Variants in ZC3H7B observed in about 807,000 individuals in gnomAD.
ZC3H7B encodes zinc finger CCCH-type containing 7B.
A neutral mutation model predicts 116.0 loss-of-function variants in ZC3H7B; 35 were observed. The ratio of observed to expected loss-of-function variants is 0.30; its 90% confidence interval spans 0.23 to 0.40. The LOEUF is 0.40. ZC3H7B is among the 10% of genes least tolerant of loss of function. ZC3H7B has a pLI of 1.00. For missense variants in ZC3H7B, 1,011 were observed against 1,321.5 expected (o/e 0.77, Z 3.64); for synonymous variants, 502 against 545.6 (o/e 0.92, Z 1.11).
intron 1 of ZC3H7B, among the ~76,000 whole-genome samples, chr22:41,309,008 CTTTTTTTTTTTTTT>C (rs57147100): frequency 9.7e-6 from 1 of 103,304 alleles, no homozygotes; most frequent in Non-Finnish European, 1.9e-5. Flanking sequence ...TCCCAGTCTG[CTTTTTTTTTTTTTT>C]TTTTTTTGAG....
chr22:41,340,500 A>ACCACT (rs947789254), intron 10 of ZC3H7B, among the ~76,000 whole-genome samples: 14 of 152,172 alleles, frequency 9.2e-5, no homozygotes, highest in Middle Eastern at 3.4e-3. Flanking sequence ...CTCCCACTGC[A>ACCACT]CCACTCTGGG....
intron 7 of ZC3H7B, chr22:41,333,783 C>T (rs1265325051): frequency 1.3e-5 from 2 of 152,152 alleles, no homozygotes; most frequent in African/African-American, 4.8e-5. Flanking sequence ...GTTTCCTGCC[C>T]TCAAAGAGCT....
intron 1 of ZC3H7B, among the ~76,000 whole-genome samples, chr22:41,309,685 T>G (rs1262453172): frequency 2.0e-5 from 3 of 152,178 alleles, no homozygotes; most frequent in Admixed American, 2.0e-4. Context: ...TCTCTATTTT[T>G]ACTTGTCGTG....
chr22:41,348,321 G>A (rs759944547), intron 15 of ZC3H7B, among the ~76,000 whole-genome samples, 154 bp downstream of exon 15: 1 of 152,230 alleles, frequency 6.6e-6, no homozygotes, highest in Non-Finnish European at 1.5e-5. Context: ...CCTCCACCTG[G>A]AAAGGATGAG....
chr22:41,311,674 A>G (rs1335662940), intron 1 of ZC3H7B, among the ~76,000 whole-genome samples: 4 of 152,050 alleles, frequency 2.6e-5, no homozygotes, highest in Non-Finnish European at 5.9e-5. Flanking sequence ...GCCTGGCAGG[A>G]GGAAGAGATA....
chr22:41,341,708 A>G (rs2036525072), intron 11 of ZC3H7B, among the ~76,000 whole-genome samples: 1 of 152,124 alleles, frequency 6.6e-6, no homozygotes, highest in African/African-American at 2.4e-5. Flanking sequence ...GCGCCACTGC[A>G]TTCCAGCCTG....
intron 11 of ZC3H7B, 94 bp downstream of exon 11, chr22:41,341,240 C>T (rs1284708258): frequency 6.9e-7 from 1 of 1,456,242 alleles, no homozygotes; most frequent in Non-Finnish European, 9.5e-7. Context: ...TGGGGTAAGG[C>T]ACTGCATTCC....
chr22:41,326,975 G>A (rs1305240945), intron 4 of ZC3H7B, among the ~76,000 whole-genome samples: 1 of 152,170 alleles, frequency 6.6e-6, no homozygotes, highest in Non-Finnish European at 1.5e-5. Flanking sequence ...TATCCTGCCC[G>A]TGCCCACTGC....
chr22:41,337,091 G>A (rs557675765), intron 7 of ZC3H7B, among the ~76,000 whole-genome samples: 7 of 150,496 alleles, frequency 4.7e-5, no homozygotes, highest in South Asian at 2.1e-4. Flanking sequence ...AGCCAAGATC[G>A]CACCATTGCA....
chr22:41,348,679 T>C (rs535289115), intron 15 of ZC3H7B, among the ~76,000 whole-genome samples: 121 of 152,302 alleles, frequency 7.9e-4, no homozygotes, highest in African/African-American at 2.9e-3. Context: ...TGGGTCCAAT[T>C]CCTGGGCCAG....
chr22:41,326,074 T>A (rs1296901759), intron 4 of ZC3H7B, among the ~76,000 whole-genome samples, 156 bp downstream of exon 4: 1 of 152,168 alleles, frequency 6.6e-6, no homozygotes, highest in African/African-American at 2.4e-5. Context: ...TGGCTCTTAA[T>A]CTCAACTGTA....
intron 1 of ZC3H7B, among the ~76,000 whole-genome samples, chr22:41,318,291 A>G (rs1044457847): frequency 6.6e-6 from 1 of 152,118 alleles, no homozygotes; most frequent in African/African-American, 2.4e-5. Flanking sequence ...GCACTTTGGG[A>G]GGCCGAGGCG....
intron 17 of ZC3H7B, among the ~76,000 whole-genome samples, chr22:41,355,265 A>T (rs2036699266): frequency 6.6e-6 from 1 of 152,170 alleles, no homozygotes; most frequent in Admixed American, 6.5e-5. Flanking sequence ...CCAGCCACAG[A>T]GGGTGGAAAG....
At position 41,358,999 on chromosome 22, in the gene ZC3H7B, G is replaced by GA; in HGVS notation, c.*1571dup. On this transcript the variant is annotated 3_prime_UTR_variant, in exon 23 of 23. Transcript: ENST00000352645. ...CACAGTGATGGGCTGCCCAGGGCTGGAGGGGACGCTGTTCCTCCCGCCGCC... is the reference window on the plus strand; with the variant it reads ...CACAGTGATGGGCTGCCCAGGGCTGGAAGGGGACGCTGTTCCTCCCGCCGCC... The GA allele has an allele frequency of 6.5e-6, 1 of 154,518 alleles. No individual in the cohort carries two copies. Among genetic ancestry groups the GA allele is most frequent in the Middle Eastern group, 6.1e-4 (1 of 1,632 alleles). 9.6% of individuals were successfully genotyped at this position (154,518 alleles called of 1,614,324 possible). A position where few individuals can be genotyped will look rare whatever the true frequency, so the allele number is the denominator to read the frequency against.
intron 7 of ZC3H7B, chr22:41,334,504 TG>T (rs1318547953): frequency 1.3e-5 from 2 of 151,272 alleles, no homozygotes; most frequent in East Asian, 3.9e-4. Context: ...GCAATCTTGC[TG>T]GGCTCCTCCT....
chr22:41,311,478 G>A (rs910402124), intron 1 of ZC3H7B, among the ~76,000 whole-genome samples: 2 of 152,072 alleles, frequency 1.3e-5, no homozygotes, highest in African/African-American at 4.8e-5. Flanking sequence ...GGACACAGAG[G>A]CATCTAAGCT....
intron 20 of ZC3H7B, 37 bp downstream of exon 20, chr22:41,356,099 G>A: frequency 6.6e-7 from 1 of 1,525,492 alleles, no homozygotes. Flanking sequence ...CCCTCCCCCG[G>A]TGTCTCTTCA....
intron 12 of ZC3H7B, among the ~76,000 whole-genome samples, chr22:41,343,202 A>T (rs945873714): frequency 6.6e-6 from 1 of 152,092 alleles, no homozygotes; most frequent in Non-Finnish European, 1.5e-5. Flanking sequence ...GGGTGCCAAG[A>T]ATGGGCTCCT....
At chr22:41,323,116 A>T (rs1464096799) in intron 2 of ZC3H7B, among the ~76,000 whole-genome samples, 3 of 152,026 alleles carry the variant, frequency 2.0e-5, no homozygotes, top group Non-Finnish European at 2.9e-5. Flanking sequence ...GGCTGATTTG[A>T]TTAGGGGTTT....
Sources: gnomAD v4.1 joint callset for allele counts (sites outside exome capture counted in the v4.1 genomes callset) on GRCh38, gnomAD v4.1.1 for gene constraint, MANE v1.5 for transcripts, NCBI Gene and HGNC (gene_info 2026-07-23, HGNC 2026-07-21) for gene names.